KIZ: variants seen among roughly 807,000 people sequenced by gnomAD.
The protein encoded by KIZ is centrosomal protein kizuna.
Under a neutral mutation model 79.6 loss-of-function variants are expected in KIZ, and 68 were observed. That is an observed-to-expected ratio of 0.85 (90% CI 0.70 to 1.05). KIZ has a LOEUF of 1.05. Ranked by LOEUF, KIZ falls within the 50% of genes least tolerant of loss-of-function variation. The pLI, the probability that KIZ is intolerant of heterozygous loss-of-function variation, is 0.00. For missense variants in KIZ, 797 were observed against 800.4 expected (o/e 1.00, Z 0.05); for synonymous variants, 280 against 281.8 (o/e 0.99, Z 0.06).
chr20:21,140,251 A>G (rs1482572401), intron 3 of KIZ, among the ~76,000 whole-genome samples: 6 of 152,176 alleles, frequency 3.9e-5, no homozygotes, highest in Non-Finnish European at 7.3e-5. Flanking sequence ...CTGACCTCAC[A>G]TAAGTCTTGG....
intron 1 of KIZ, among the ~76,000 whole-genome samples, chr20:21,127,087 AAAAT>A (rs1219366979): frequency 1.3e-5 from 2 of 152,262 alleles, no homozygotes; most frequent in African/African-American, 2.4e-5. Context: ...AATTACATGG[AAAAT>A]AAAGGCAGAA....
At chr20:21,211,103 T>C (rs948899144) in intron 7 of KIZ, among the ~76,000 whole-genome samples, 1 of 152,216 alleles carries the variant, frequency 6.6e-6, no homozygotes, top group Non-Finnish European at 1.5e-5. Context: ...GTTTATACAT[T>C]TGAATATCAC....
At chr20:21,137,563 T>C (rs1322109736) in intron 3 of KIZ, among the ~76,000 whole-genome samples, 1 of 151,916 alleles carries the variant, frequency 6.6e-6, no homozygotes, top group Admixed American at 6.6e-5. Flanking sequence ...ATTATTATGA[T>C]GAACACTCAT....
At chr20:21,150,529 C>G (rs560893216) in intron 4 of KIZ, among the ~76,000 whole-genome samples, 169 of 152,326 alleles carry the variant, frequency 1.1e-3, no homozygotes, top group African/African-American at 3.9e-3. Context: ...TTGATTTAGA[C>G]AGAGCCATGA....
At chr20:21,127,706 G>A (rs1433144249) in intron 1 of KIZ, among the ~76,000 whole-genome samples, 1 of 152,126 alleles carries the variant, frequency 6.6e-6, no homozygotes, top group African/African-American at 2.4e-5. Flanking sequence ...CAGTTATAGA[G>A]GCAAATAATT....
At chr20:21,241,666 G>C (rs1280417912) in intron 11 of KIZ, among the ~76,000 whole-genome samples, 1 of 152,190 alleles carries the variant, frequency 6.6e-6, no homozygotes, top group African/African-American at 2.4e-5. Flanking sequence ...TAGAGACATG[G>C]CTTCAGGAAA....
chr20:21,193,768 C>T (rs940206272), intron 6 of KIZ, among the ~76,000 whole-genome samples: 2 of 147,950 alleles, frequency 1.4e-5, no homozygotes, highest in African/African-American at 5.0e-5. Context: ...AAAAACCAAA[C>T]ACCGCATGTT....
rs1179869114 is a variant in KIZ at position 21,145,673 on chromosome 20, A to G, written c.405+19A>G. 10 of 1,123,440 alleles carry G rather than the reference A, an allele frequency of 8.9e-6. No homozygotes were observed. The African/African-American group carries it at 1.3e-4, about 14-fold the overall frequency. 69.6% of individuals were successfully genotyped at this position (1,123,440 alleles called of 1,614,324 possible). A position where few individuals can be genotyped will look rare whatever the true frequency, so the allele number is the denominator to read the frequency against. On this transcript the variant is annotated intron_variant, in intron 4 of 12. Coordinates refer to ENST00000619189, the MANE Select transcript of KIZ (RefSeq NM_018474.6). ...AGAAAAGGTAATAAACTAAATTGGT[A>G]ACCTTTCTGTTAACAGAGGAATTCT...
intron 6 of KIZ, among the ~76,000 whole-genome samples, chr20:21,205,173 T>C (rs2035764181): frequency 6.6e-6 from 1 of 152,124 alleles, no homozygotes; most frequent in Admixed American, 6.6e-5. Context: ...GTTTAAAAAG[T>C]CCACTGGCCA....
At chr20:21,239,323 T>C (rs556871944) in intron 11 of KIZ, among the ~76,000 whole-genome samples, 84 of 152,354 alleles carry the variant, frequency 5.5e-4, no homozygotes, top group Admixed American at 1.8e-3. Context: ...CCTACTGTTT[T>C]ACTGCTTCTC....
intron 4 of KIZ, among the ~76,000 whole-genome samples, chr20:21,155,651 A>T (rs1036610168): frequency 6.6e-6 from 1 of 152,170 alleles, no homozygotes; most frequent in African/African-American, 2.4e-5. Context: ...AACCCACTGA[A>T]TTGTATGCTT....
At chr20:21,246,370 A>G (rs768968717) in intron 12 of KIZ, 109 bp from the exon 13 acceptor site, 12 of 704,324 alleles carry the variant, frequency 1.7e-5, no homozygotes, top group East Asian at 2.7e-5. Context: ...CCTGTTATGC[A>G]TTTTGCAGAC....
At chr20:21,198,866 A>C (rs1426856484) in intron 6 of KIZ, 1 of 152,592 alleles carries the variant, frequency 6.6e-6, no homozygotes, top group Admixed American at 6.6e-5. Flanking sequence ...CAGAATAAAA[A>C]CCACGGTCTT....
chr20:21,138,276 C>T (rs2032313095), intron 3 of KIZ, among the ~76,000 whole-genome samples: 1 of 152,064 alleles, frequency 6.6e-6, no homozygotes, highest in Non-Finnish European at 1.5e-5. Context: ...TTGAAAAAGG[C>T]AGTCCATCTG....
chr20:21,214,290 A>G (rs1482952371), intron 7 of KIZ, among the ~76,000 whole-genome samples: 1 of 152,186 alleles, frequency 6.6e-6, no homozygotes, highest in Non-Finnish European at 1.5e-5. Context: ...ATATTTCTGC[A>G]TTACATAAGA....
Position 21,229,023 on chromosome 20 carries a change from A to G in KIZ, c.1691A>G (p.Tyr564Cys). The G allele has an allele frequency of 2.5e-6, 4 of 1,598,224 alleles. No homozygotes were observed. The highest frequency in any genetic ancestry group is 1.1e-5 in the South Asian group (1 of 90,012). The change falls in exon 10 of 13, where the codon TAT becomes TGT. Residue 564 changes from tyrosine to cysteine, a missense_variant. Transcript: ENST00000619189. ...CTTTAATCAACAGAAACAGAAGCCTATCAGTTGCTGAAGAAGGCCACCCTT... is the reference window on the plus strand; with the variant it reads ...CTTTAATCAACAGAAACAGAAGCCTGTCAGTTGCTGAAGAAGGCCACCCTT... ...ADIPITETEA[Y>C]QLLKKATLQD...
chr20:21,160,165 C>A (rs376694887), intron 4 of KIZ, among the ~76,000 whole-genome samples: 1 of 152,294 alleles, frequency 6.6e-6, no homozygotes, highest in African/African-American at 2.4e-5. Flanking sequence ...TCAGTGTGGT[C>A]GGTCCAGATA....
At chr20:21,226,628 CTG>C (rs1227781124) in intron 9 of KIZ, among the ~76,000 whole-genome samples, 2 of 152,234 alleles carry the variant, frequency 1.3e-5, no homozygotes, top group African/African-American at 4.8e-5. Flanking sequence ...ACTTTGACGT[CTG>C]TGGTCCTGCC....
intron 4 of KIZ, among the ~76,000 whole-genome samples, chr20:21,156,149 G>C (rs1018886813): frequency 1.3e-5 from 2 of 152,172 alleles, no homozygotes; most frequent in South Asian, 2.1e-4. Context: ...TGTTCCCTTG[G>C]ATCCCTCACC....
Sources: gnomAD v4.1 joint callset for allele counts (sites outside exome capture counted in the v4.1 genomes callset) on GRCh38, gnomAD v4.1.1 for gene constraint, MANE v1.5 for transcripts, NCBI Gene and HGNC (gene_info 2026-07-23, HGNC 2026-07-21) for gene names.